The following PASD1 variants were observed in gnomAD, a reference collection of about 807,000 sequenced individuals.
PASD1 encodes the protein PAS domain containing repressor 1.
Under a neutral mutation model 58.8 loss-of-function variants are expected in PASD1, and 13 were observed. The observed-to-expected ratio is 0.22, with a 90% CI of 0.14 to 0.35. PASD1 has a LOEUF of 0.35. PASD1 is among the 10% of genes least tolerant of loss of function. The pLI is 1.00. For missense variants in PASD1, 734 were observed against 568.3 expected, an observed-to-expected ratio of 1.29 and a Z score of -2.96; for synonymous variants, 236 against 216.7, an observed-to-expected ratio of 1.09 and a Z score of -0.78.
At chrX:151,617,743 G>A (rs1017068325) in intron 4 of PASD1, among the ~76,000 whole-genome samples, 12 of 112,143 alleles carry the variant, frequency 1.1e-4, no homozygotes, top group Non-Finnish European at 1.9e-4. Flanking sequence ...CAGCTATGGT[G>A]TAGTAAAAGG....
intron 2 of PASD1, among the ~76,000 whole-genome samples, chrX:151,602,017 A>G (rs890156889): frequency 4.4e-5 from 5 of 112,559 alleles, no homozygotes; most frequent in Non-Finnish European, 7.5e-5. Flanking sequence ...GTTTTTGTCA[A>G]AAGTTTGCAG....
Position 151,671,861 on chromosome X carries a change from G to A in PASD1, c.1437+82G>A, listed in dbSNP as rs189169900. On this transcript the variant is annotated intron_variant, in intron 13 of 15. Coordinates refer to ENST00000370357, the MANE Select transcript of PASD1 (RefSeq NM_173493.3). ...CTTTGACTCACTTGGTTCTCCTTAG[G>A]GGGTAGTGACTATCCACTTGGCTGC... 3.4e-4 allele frequency: 338 copies of A among 1,006,211 alleles called. 1 individual carries two copies. The African/African-American group carries it at 5.3e-3, about 16-fold the overall frequency. The allele number at this position is 1,006,211 out of a possible 1,213,427, so 82.9% of individuals were successfully genotyped here.
intron 9 of PASD1, among the ~76,000 whole-genome samples, chrX:151,656,447 G>A (rs772911051): frequency 9.0e-6 from 1 of 111,705 alleles, no homozygotes; most frequent in South Asian, 3.8e-4. Flanking sequence ...ATTACCTTGG[G>A]CAGTGTGGCC....
chrX:151,643,232 G>A (rs1184415358), intron 8 of PASD1, among the ~76,000 whole-genome samples: 1 of 111,934 alleles, frequency 8.9e-6, no homozygotes, highest in East Asian at 2.8e-4. Flanking sequence ...AGATTGACTT[G>A]GGAAGTTGGT....
At chrX:151,659,900 TAC>T in intron 10 of PASD1, 64 bp downstream of exon 10, 1 of 1,089,375 alleles carries the variant, frequency 9.2e-7, no homozygotes. Context: ...CCAGGGTAGT[TAC>T]AGTTTTTCAA....
chrX:151,631,729 A>C (rs2013870318), intron 8 of PASD1, among the ~76,000 whole-genome samples: 1 of 111,389 alleles, frequency 9.0e-6, no homozygotes, highest in African/African-American at 3.3e-5. Context: ...CAGTGAAGAG[A>C]CACCTTGTAC....
intron 11 of PASD1, among the ~76,000 whole-genome samples, chrX:151,665,765 A>G (rs2014368603): frequency 9.0e-6 from 1 of 110,615 alleles, no homozygotes; most frequent in South Asian, 3.9e-4. Flanking sequence ...TTCCAGGAAA[A>G]GCAAAGAAAA....
chrX:151,638,746 T>C (rs2013962590), intron 8 of PASD1, among the ~76,000 whole-genome samples: 1 of 111,942 alleles, frequency 8.9e-6, no homozygotes, highest in Non-Finnish European at 1.9e-5. Context: ...TTTGGTGACA[T>C]GTCTTAAGAA....
chrX:151,614,054 G>A (rs761079193), intron 4 of PASD1, among the ~76,000 whole-genome samples: 5 of 109,282 alleles, frequency 4.6e-5, no homozygotes, highest in South Asian at 8.1e-4. Flanking sequence ...GTGCGATCTC[G>A]GCTCACTGCA....
chrX:151,604,725 G>A lies in PASD1; in HGVS notation c.108G>A (p.Val36=). Residue 36 remains valine (V), a synonymous_variant, in exon 3 of 16, where the codon GTG becomes GTA. Coordinates refer to ENST00000370357, the MANE Select transcript of PASD1 (RefSeq NM_173493.3). ...SFPTYDYFNQ[V]TLQLLDGFMI... Reference sequence around the variant, plus strand: ...CTACCTATGATTACTTCAACCAAGTGACGCTACAGGTAAGAGGGCTTTTGT... The same window carrying A: ...CTACCTATGATTACTTCAACCAAGTAACGCTACAGGTAAGAGGGCTTTTGT... 1.7e-6 allele frequency: 2 copies of A among 1,198,707 alleles called. No individual in the cohort carries two copies. The highest frequency in any genetic ancestry group is 2.3e-6 in the Non-Finnish European group (2 of 884,527).
At chrX:151,670,721 G>A (rs1193800689) in intron 11 of PASD1, among the ~76,000 whole-genome samples, 3 of 111,872 alleles carry the variant, frequency 2.7e-5, no homozygotes, top group African/African-American at 9.8e-5. Flanking sequence ...TTTGACCCAG[G>A]CGCAGAATAC....
intron 4 of PASD1, among the ~76,000 whole-genome samples, chrX:151,620,683 T>A (rs2013694161): frequency 9.0e-6 from 1 of 110,731 alleles, no homozygotes; most frequent in Non-Finnish European, 1.9e-5. Flanking sequence ...GAGTCAAAAT[T>A]TTCCCAGGCA....
chrX:151,586,279 T>G (rs998192394), intron 1 of PASD1, among the ~76,000 whole-genome samples: 2 of 112,340 alleles, frequency 1.8e-5, no homozygotes, highest in African/African-American at 6.5e-5. Context: ...CAAAATAGTT[T>G]AGAGAGCTTT....
chrX:151,657,357 G>C (rs918036928), intron 9 of PASD1, among the ~76,000 whole-genome samples: 1 of 111,647 alleles, frequency 9.0e-6, no homozygotes, highest in African/African-American at 3.3e-5. Flanking sequence ...TTGGTATCAG[G>C]ATGATGCTGG....
At chrX:151,593,547 T>A (rs1396853473) in intron 1 of PASD1, among the ~76,000 whole-genome samples, 1 of 110,690 alleles carries the variant, frequency 9.0e-6, no homozygotes, top group Non-Finnish European at 1.9e-5. Context: ...TCCCAGCTTC[T>A]TCCATGTCCC....
chrX:151,660,375 CT>C (rs757498987), intron 10 of PASD1, among the ~76,000 whole-genome samples: 5 of 112,277 alleles, frequency 4.5e-5, no homozygotes, highest in South Asian at 7.3e-4. Context: ...GTGGAATCTC[CT>C]TATATAGAAG....
intron 1 of PASD1, among the ~76,000 whole-genome samples, chrX:151,566,807 C>T (rs961128492): frequency 1.8e-5 from 2 of 110,815 alleles, no homozygotes; most frequent in East Asian, 5.6e-4. Flanking sequence ...TGGCTCATGC[C>T]TGTAATCCCA....
At chrX:151,650,029 A>T (rs1010203451) in intron 9 of PASD1, among the ~76,000 whole-genome samples, 1 of 112,571 alleles carries the variant, frequency 8.9e-6, no homozygotes, top group African/African-American at 3.2e-5. Flanking sequence ...ACCTCTGCTT[A>T]ACCTAATATT....
chrX:151,676,069 C>T lies in PASD1; in HGVS notation c.2248C>T (p.Pro750Ser), dbSNP rs1209386483. ...QAFQGPAAYQ[P>S]DQMRSAEQTR... ...TTTCCAAGGCCCTGCTGCATACCAG[C>T]CAGACCAGATGAGATCTGCGGAGCA... Residue 750 changes from proline to serine, a missense_variant, in exon 16 of 16, where the codon CCA (proline) becomes TCA (serine). By Grantham distance (74) the Pro-to-Ser change is moderately conservative. Coordinates refer to ENST00000370357, the MANE Select transcript of PASD1 (RefSeq NM_173493.3). 9 of 1,211,222 alleles carry T rather than the reference C, an allele frequency of 7.4e-6. No individual in the cohort carries two copies. The highest frequency in any genetic ancestry group is 5.9e-5 in the East Asian group (2 of 33,819).
Sources: gnomAD v4.1 joint callset for allele counts (sites outside exome capture counted in the v4.1 genomes callset) on GRCh38, gnomAD v4.1.1 for gene constraint, MANE v1.5 for transcripts, NCBI Gene and HGNC (gene_info 2026-07-23, HGNC 2026-07-21) for gene names.